The following FOXP2 variants were observed in gnomAD, a reference collection of about 807,000 sequenced individuals.
The protein encoded by FOXP2 is forkhead box protein P2.
Under a neutral mutation model 115.8 loss-of-function variants are expected in FOXP2, and 12 were observed. That is an observed-to-expected ratio of 0.10 (90% CI 0.07 to 0.17). The LOEUF (loss-of-function observed/expected upper bound fraction) is 0.17. Ranked by LOEUF, FOXP2 falls within the 10% of genes least tolerant of loss-of-function variation. The pLI, the probability that FOXP2 is intolerant of heterozygous loss-of-function variation, is 1.00. For missense variants in FOXP2, 629 were observed against 843.5 expected, an observed-to-expected ratio of 0.75 and a Z score of 3.15; for synonymous variants, 328 against 297.7, an observed-to-expected ratio of 1.10 and a Z score of -1.05.
At position 114,629,675 on chromosome 7, in the gene FOXP2, T is replaced by C. The variant is rs542097952; in HGVS notation, c.397-130T>C. On this transcript the variant is annotated intron_variant, in intron 4 of 16. Transcript: ENST00000350908. Reference sequence around the variant, plus strand: ...GAGCTGTCTCTTTGAATCCAATGTATATTTTTTGTTGTTTTTATGGGATGA... The same window carrying C: ...GAGCTGTCTCTTTGAATCCAATGTACATTTTTTGTTGTTTTTATGGGATGA... The C allele has an allele frequency of 4.9e-4, 777 of 1,601,796 alleles. 2 individuals carry two copies. The African/African-American group carries it at 9.5e-3, about 20-fold the overall frequency.
intron 2 of FOXP2, among the ~76,000 whole-genome samples, chr7:114,390,783 C>T (rs1027439935): frequency 6.6e-6 from 1 of 151,974 alleles, no homozygotes; most frequent in Non-Finnish European, 1.5e-5. Context: ...GTCTTCAACT[C>T]CTGGGCTCAA....
At chr7:114,099,164 C>T (rs1799717851) in intron 1 of FOXP2, among the ~76,000 whole-genome samples, 1 of 151,914 alleles carries the variant, frequency 6.6e-6, no homozygotes, top group South Asian at 2.1e-4. Flanking sequence ...AGAAAAAAAG[C>T]ACTCATACAA....
intron 6 of FOXP2, among the ~76,000 whole-genome samples, chr7:114,633,636 CATT>C (rs1805043692): frequency 1.3e-5 from 2 of 152,172 alleles, no homozygotes; most frequent in Admixed American, 6.5e-5. Flanking sequence ...AAACCGGCAT[CATT>C]GTCTTGTTTT....
At chr7:114,103,171 G>A (rs895687164) in intron 1 of FOXP2, among the ~76,000 whole-genome samples, 3 of 152,150 alleles carry the variant, frequency 2.0e-5, no homozygotes, top group East Asian at 3.9e-4. Flanking sequence ...GCAGCATTAA[G>A]TATGAGATAA....
At chr7:114,445,592 T>G (rs779634383) in intron 2 of FOXP2, among the ~76,000 whole-genome samples, 1 of 152,154 alleles carries the variant, frequency 6.6e-6, no homozygotes, top group Non-Finnish European at 1.5e-5. Flanking sequence ...CCAACTAGTT[T>G]TCAACTATGT....
chr7:114,149,571 A>G (rs1792474689), intron 1 of FOXP2, among the ~76,000 whole-genome samples: 1 of 151,972 alleles, frequency 6.6e-6, no homozygotes, highest in Non-Finnish European at 1.5e-5. Flanking sequence ...ACCATCAAAG[A>G]GTTACTTTAT....
intron 2 of FOXP2, among the ~76,000 whole-genome samples, chr7:114,307,053 T>C (rs113162301): frequency 0.023 from 3,506 of 152,212 alleles, 88 homozygotes; most frequent in African/African-American, 0.055. Context: ...TAACATAACA[T>C]TTTCAAAGGT....
At chr7:114,534,270 TTGA>T (rs1471300199) in intron 2 of FOXP2, among the ~76,000 whole-genome samples, 2 of 150,208 alleles carry the variant, frequency 1.3e-5, no homozygotes, top group Non-Finnish European at 3.0e-5. Context: ...AAAATGCAAA[TTGA>T]ATGATAATTT....
chr7:114,252,726 A>G (rs993987907), intron 1 of FOXP2, among the ~76,000 whole-genome samples: 1 of 151,714 alleles, frequency 6.6e-6, no homozygotes, highest in Non-Finnish European at 1.5e-5. Flanking sequence ...AATTTTGTCA[A>G]TTGTTTCAAA....
chr7:114,469,248 A>T (rs1383169203), intron 2 of FOXP2, among the ~76,000 whole-genome samples: 1 of 152,192 alleles, frequency 6.6e-6, no homozygotes, highest in African/African-American at 2.4e-5. Flanking sequence ...GTATCTGTCA[A>T]GTTTTCAACA....
chr7:114,194,707 A>G (rs575083717), intron 1 of FOXP2, among the ~76,000 whole-genome samples: 20 of 152,220 alleles, frequency 1.3e-4, no homozygotes, highest in African/African-American at 4.8e-4. Flanking sequence ...ATACATAGCA[A>G]ATTTAGTTGT....
chr7:114,403,952 G>A (rs1290993565), intron 2 of FOXP2, among the ~76,000 whole-genome samples: 1 of 152,134 alleles, frequency 6.6e-6, no homozygotes, highest in African/African-American at 2.4e-5. Flanking sequence ...TATGTCTTGG[G>A]TTAAGAAGGA....
At chr7:114,368,492 G>A (rs1044514273) in intron 2 of FOXP2, among the ~76,000 whole-genome samples, 2 of 152,112 alleles carry the variant, frequency 1.3e-5, no homozygotes, top group Non-Finnish European at 2.9e-5. Context: ...CTCCAGTTTT[G>A]GAGGCTGCGT....
intron 2 of FOXP2, among the ~76,000 whole-genome samples, chr7:114,369,727 A>T (rs1791959407): frequency 6.6e-6 from 1 of 152,196 alleles, no homozygotes; most frequent in Admixed American, 6.5e-5. Context: ...CCCTTTGTTT[A>T]AGCCCCTATC....
chr7:114,136,097 G>C (rs1792031242), intron 1 of FOXP2, among the ~76,000 whole-genome samples: 2 of 151,992 alleles, frequency 1.3e-5, no homozygotes. Flanking sequence ...AGATTTGCTG[G>C]AATGTGTCTG....
At chr7:114,161,521 C>G (rs918758251), upstream of FOXP2, among the ~76,000 whole-genome samples, 3 of 127,084 alleles carry the variant, frequency 2.4e-5, no homozygotes, top group Non-Finnish European at 4.9e-5. Context: ...TTTGTTTTAA[C>G]TATTTTCTCA....
intron 2 of FOXP2, among the ~76,000 whole-genome samples, chr7:114,521,783 T>G (rs1281186592): frequency 6.6e-6 from 1 of 152,092 alleles, no homozygotes; most frequent in Non-Finnish European, 1.5e-5. Flanking sequence ...TTATGCTAAT[T>G]TCAGTGTTAT....
At chr7:114,362,717 G>C (rs1465789349) in intron 2 of FOXP2, among the ~76,000 whole-genome samples, 1 of 152,004 alleles carries the variant, frequency 6.6e-6, no homozygotes, top group African/African-American at 2.4e-5. Flanking sequence ...TTTTCAGTAA[G>C]CATATGCTAT....
rs529832968 is a variant in FOXP2, at chr7:114,446,068, GAT to G, written c.168+19392_168+19393del. The stretch of plus-strand genomic sequence containing the variant: ...TTTTTTTGCTTTTTAATATTAAAAA[GAT>G]ATCATAAGTCTGATATTTTTAGAGC... On this transcript the variant is annotated intron_variant, in intron 2 of 16. Coordinates refer to ENST00000350908, the MANE Select transcript of FOXP2 (RefSeq NM_014491.4). 5.5e-5 allele frequency among the ~76,000 whole-genome samples: 7 copies of G among 126,832 alleles called. No homozygotes were observed. The South Asian group carries it at 1.9e-3, about 34-fold the overall frequency. The allele number at this position is 126,832 out of a possible 152,430, so 83.2% of individuals were successfully genotyped here.
Sources: gnomAD v4.1 joint callset for allele counts (sites outside exome capture counted in the v4.1 genomes callset) on GRCh38, gnomAD v4.1.1 for gene constraint, MANE v1.5 for transcripts, NCBI Gene and HGNC (gene_info 2026-07-23, HGNC 2026-07-21) for gene names.